Variants in KPNA4 observed in about 807,000 individuals in gnomAD.
KPNA4 encodes the protein karyopherin subunit alpha 4, also known as importin subunit alpha-3.
Under a neutral mutation model 71.3 loss-of-function variants are expected in KPNA4, and 13 were observed. The ratio of observed to expected loss-of-function variants is 0.18; its 90% CI spans 0.12 to 0.29. The LOEUF is 0.29. Among genes scored for constraint, KPNA4 ranks in the 10% least tolerant of loss-of-function variants. KPNA4 has a pLI of 1.00. For synonymous variants in KPNA4, 189 were observed against 195.2 expected (o/e 0.97, Z 0.26); for missense variants, 334 against 603.2 (o/e 0.55, Z 4.67).
chr3:160,565,337 A>ACCGCG lies in KPNA4; in HGVS notation c.-56_-55insCGCGG. ...GGGCCCCGCGGGATCCGCCCCAACC[A>ACCGCG]ACGCGCCGCACCGACACTCCCAGGA... On this transcript the variant is annotated 5_prime_UTR_variant, in exon 1 of 17. Transcript: ENST00000334256. 1 of 1,434,022 alleles carries ACCGCG rather than the reference A, an allele frequency of 7.0e-7. No individual in the cohort carries two copies. Among genetic ancestry groups the ACCGCG allele is most frequent in the Non-Finnish European group, 9.6e-7 (1 of 1,043,978 alleles). The allele number at this position is 1,434,022 out of a possible 1,614,324, so 88.8% of individuals were successfully genotyped here.
chr3:160,545,669 G>C (rs1721888890), intron 1 of KPNA4, among the ~76,000 whole-genome samples: 1 of 152,220 alleles, frequency 6.6e-6, no homozygotes, highest in Admixed American at 6.5e-5. Context: ...ATGAGCAAAG[G>C]AGAGAGGAGA....
At chr3:160,527,912 G>T (rs748074775) in intron 8 of KPNA4, 41 bp downstream of exon 8, 2 of 1,456,994 alleles carry the variant, frequency 1.4e-6, no homozygotes, top group East Asian at 2.3e-5. Context: ...CTTAGTATAT[G>T]ATAACAATTT....
rs140256743 is a variant in KPNA4, at chr3:160,536,764, G to T, written c.114+32C>A. On this transcript the variant is annotated intron_variant, in intron 2 of 16. Coordinates refer to ENST00000334256, the MANE Select transcript of KPNA4 (RefSeq NM_002268.5). Reference sequence around the variant, plus strand: ...AATGCTATAATGTTGTTAGAATTATGCTTAGAAGTACCCAATATTAATCAG... The same window carrying T: ...AATGCTATAATGTTGTTAGAATTATTCTTAGAAGTACCCAATATTAATCAG... 6.8e-4 allele frequency: 938 copies of T among 1,377,162 alleles called. 2 individuals carry two copies. Among genetic ancestry groups the T allele is most frequent in the Non-Finnish European group, 9.2e-4 (906 of 982,598 alleles). The allele number at this position is 1,377,162 out of a possible 1,614,324, so 85.3% of individuals were successfully genotyped here.
At chr3:160,502,518 G>T (rs1720904213) in intron 16 of KPNA4, among the ~76,000 whole-genome samples, 2 of 151,842 alleles carry the variant, frequency 1.3e-5, no homozygotes. Context: ...CTACAGGTGT[G>T]CACCACCACG....
chr3:160,536,409 A>G (rs1444979180), intron 2 of KPNA4, among the ~76,000 whole-genome samples: 2 of 152,140 alleles, frequency 1.3e-5, no homozygotes, highest in African/African-American at 4.8e-5. Context: ...CTCAACTATA[A>G]TACTTAAAAG....
intron 15 of KPNA4, among the ~76,000 whole-genome samples, chr3:160,507,266 A>G (rs1721003463): frequency 6.6e-6 from 1 of 152,162 alleles, no homozygotes; most frequent in African/African-American, 2.4e-5. Context: ...TGGGAGGCCA[A>G]GGGGAGTGGA....
chr3:160,512,453 A>T (rs1451831828), intron 13 of KPNA4, among the ~76,000 whole-genome samples: 3 of 152,252 alleles, frequency 2.0e-5, no homozygotes, highest in African/African-American at 7.2e-5. Context: ...TCTGCTTTCA[A>T]GGTTATTAGG....
intron 13 of KPNA4, among the ~76,000 whole-genome samples, chr3:160,512,012 A>T (rs1721105787): frequency 6.6e-6 from 1 of 152,140 alleles, no homozygotes; most frequent in Non-Finnish European, 1.5e-5. Context: ...TTCATGATTC[A>T]TTTTTTATGA....
At chr3:160,503,775 AAAG>A (rs1311846583) in intron 16 of KPNA4, among the ~76,000 whole-genome samples, 1 of 152,218 alleles carries the variant, frequency 6.6e-6, no homozygotes, top group Admixed American at 6.5e-5. Flanking sequence ...ACATACGATC[AAAG>A]TTACTCTTAA....
chr3:160,508,420 C>T (rs1445283496), intron 14 of KPNA4, 151 bp from the exon 15 acceptor site: 3 of 459,616 alleles, frequency 6.5e-6, no homozygotes, highest in Non-Finnish European at 7.4e-6. Context: ...ATTAATCTAA[C>T]CTCCTTTTCT....
intron 12 of KPNA4, 86 bp downstream of exon 12, chr3:160,515,366 C>T (rs56124988): frequency 0.056 from 67,907 of 1,202,220 alleles, 2,723 homozygotes; most frequent in African/African-American, 0.18. Flanking sequence ...ATCAATATTA[C>T]AGACATTTCT....
intron 1 of KPNA4, among the ~76,000 whole-genome samples, chr3:160,559,492 T>C (rs554657711): frequency 6.6e-6 from 1 of 152,160 alleles, no homozygotes; most frequent in Non-Finnish European, 1.5e-5. Flanking sequence ...ATGCATGGTA[T>C]TACAAAAAGC....
intron 1 of KPNA4, among the ~76,000 whole-genome samples, chr3:160,538,408 T>C (rs1013743235): frequency 7.2e-5 from 11 of 152,260 alleles, no homozygotes; most frequent in Non-Finnish European, 1.3e-4. Flanking sequence ...AATATTACTA[T>C]GGTTAACTGG....
chr3:160,547,911 G>A (rs1721956153), intron 1 of KPNA4, among the ~76,000 whole-genome samples: 2 of 152,006 alleles, frequency 1.3e-5, no homozygotes, highest in East Asian at 3.9e-4. Context: ...TCTTAGCACT[G>A]ACTAATATGC....
chr3:160,544,236 A>G (rs1307328408), intron 1 of KPNA4, among the ~76,000 whole-genome samples: 3 of 152,176 alleles, frequency 2.0e-5, no homozygotes, highest in African/African-American at 4.8e-5. Flanking sequence ...ATATGTGCGC[A>G]CTGGCAAACA....
At chr3:160,531,891 C>G (rs1032784002) in intron 5 of KPNA4, among the ~76,000 whole-genome samples, 2 of 152,002 alleles carry the variant, frequency 1.3e-5, no homozygotes, top group Non-Finnish European at 2.9e-5. Context: ...CTTCTGGGTT[C>G]CAGTGATTCT....
chr3:160,535,429 C>T, intron 5 of KPNA4, 84 bp downstream of exon 5: 2 of 833,732 alleles, frequency 2.4e-6, no homozygotes, highest in Non-Finnish European at 3.8e-6. Context: ...ATTTGATTAA[C>T]AGGGACTACT....
intron 5 of KPNA4, among the ~76,000 whole-genome samples, chr3:160,534,812 T>C (rs1721652858): frequency 6.6e-6 from 1 of 151,684 alleles, no homozygotes; most frequent in South Asian, 2.1e-4. Flanking sequence ...TCTTTTTTTT[T>C]TGAGATGGAG....
In KPNA4 at chr3:160,521,706, T is replaced by A. The variant is rs183874291; in HGVS notation, c.903+73A>T. ...AATATACTTTAAACTACTGAAATTG[T>A]CCATCTTTGAATGCCATGCTTAAAG... On this transcript the variant is annotated intron_variant, in intron 11 of 16. Transcript: ENST00000334256. 7.5e-6 allele frequency: 10 copies of A among 1,327,564 alleles called. 2 individuals are homozygous for A. The East Asian group carries it at 1.4e-4, about 18-fold the overall frequency. 82.2% of individuals were successfully genotyped at this position (1,327,564 alleles called of 1,614,324 possible). A position where few individuals can be genotyped will look rare whatever the true frequency, so the allele number is the denominator to read the frequency against.
Sources: allele counts gnomAD v4.1 joint callset (sites outside exome capture counted in the v4.1 genomes callset), GRCh38; gene constraint gnomAD v4.1.1; transcripts MANE v1.5; gene names NCBI Gene and HGNC (gene_info 2026-07-23, HGNC 2026-07-21).